Variants in EIF3M observed in about 807,000 individuals in gnomAD.
EIF3M encodes the protein B5 receptor.
EIF3M carries 25 observed loss-of-function variants against 49.7 expected under a neutral mutation model. That is an observed-to-expected ratio of 0.50 (90% CI 0.37 to 0.70). EIF3M has a LOEUF of 0.70. EIF3M is among the 30% of genes least tolerant of loss of function. The pLI, the probability that EIF3M is intolerant of heterozygous loss-of-function variation, is 0.00. For missense variants in EIF3M, 350 were observed against 440.0 expected (o/e 0.80, Z 1.83); for synonymous variants, 156 against 149.8 (o/e 1.04, Z -0.30).
At chr11:32,585,510 T>C (rs1854981564) in intron 1 of EIF3M, among the ~76,000 whole-genome samples, 1 of 152,174 alleles carries the variant, frequency 6.6e-6, no homozygotes, top group Non-Finnish European at 1.5e-5. Context: ...TCTTTTTTTG[T>C]TTTCCTTTGC....
At position 32,601,805 on chromosome 11, in the gene EIF3M, G is replaced by C; in HGVS notation, c.987G>C (p.Gln329His). The change falls in exon 10 of 11, where the codon CAG becomes CAC. Residue 329 changes from glutamine to histidine, a missense_variant. Transcript: ENST00000531120. ...TCTACTGCAAAATTGATCAGACCCA[G>C]AGAAAAGTAGTTGTCAGGTAAGATA... ...KMVYCKIDQT[Q>H]RKVVVSHSTH... The C allele has an allele frequency of 1.2e-6, 2 of 1,612,724 alleles. No individual in the cohort carries two copies. Among genetic ancestry groups the C allele is most frequent in the Non-Finnish European group, 1.7e-6 (2 of 1,179,080 alleles).
intron 8 of EIF3M, among the ~76,000 whole-genome samples, chr11:32,596,779 C>G (rs1855187063): frequency 6.6e-6 from 1 of 151,920 alleles, no homozygotes; most frequent in African/African-American, 2.4e-5. Context: ...GTGGCACATA[C>G]CTGTAGTGCC....
rs1365194729 is a variant in EIF3M at position 32,604,800 on chromosome 11, G to A, written c.*2401G>A. 6.6e-6 allele frequency: 1 copy of A among 152,194 alleles called. No individual in the cohort carries two copies. The highest frequency in any genetic ancestry group is 2.4e-5 in the African/African-American group (1 of 41,462). The allele number at this position is 152,194 out of a possible 1,614,324, so 9.4% of individuals were successfully genotyped here. A position where few individuals can be genotyped will look rare whatever the true frequency, so the allele number is the denominator to read the frequency against. ...ATCTTTTTCAATTTGACCAGTAAAA[G>A]TGGCATGTTAGTAACATTGTCATTT... On this transcript the variant is annotated 3_prime_UTR_variant, in exon 11 of 11. Transcript: ENST00000531120.
chr11:32,589,665 A>G (rs781626417), intron 5 of EIF3M, 24 bp downstream of exon 5: 45 of 1,597,110 alleles, frequency 2.8e-5, no homozygotes, highest in East Asian at 6.7e-5. Context: ...ATGAACTAAC[A>G]TATCACTTAA....
intron 5 of EIF3M, among the ~76,000 whole-genome samples, chr11:32,593,054 A>G (rs2133198534): frequency 6.6e-6 from 1 of 152,378 alleles, no homozygotes; most frequent in East Asian, 1.9e-4. Context: ...AAGAAGTTTT[A>G]GATAGCATTT....
chr11:32,601,698 A>G (rs1212979559), intron 9 of EIF3M, 64 bp from the exon 10 acceptor site: 10 of 1,477,352 alleles, frequency 6.8e-6, no homozygotes, highest in Non-Finnish European at 8.4e-6. Flanking sequence ...CACAGTTTTC[A>G]TACCTTAGCT....
Position 32,603,181 on chromosome 11 carries a change from T to G in EIF3M, c.*782T>G, listed in dbSNP as rs913985653. 3.3e-5 allele frequency: 19 copies of G among 577,304 alleles called. No individual in the cohort carries two copies. Among genetic ancestry groups the G allele is most frequent in the Non-Finnish European group, 5.1e-5 (17 of 333,422 alleles). The allele number at this position is 577,304 out of a possible 1,614,324, so 35.8% of individuals were successfully genotyped here. ...GCACCAGAAAAGTATACAATGTGAA[T>G]GTGTAGGCTTATGTAGTAGATCTTC... On this transcript the variant is annotated 3_prime_UTR_variant, in exon 11 of 11. Coordinates refer to ENST00000531120, the MANE Select transcript of EIF3M (RefSeq NM_006360.6).
At chr11:32,584,639 C>T (rs1854966531) in intron 1 of EIF3M, among the ~76,000 whole-genome samples, 1 of 122,416 alleles carries the variant, frequency 8.2e-6, no homozygotes, top group Non-Finnish European at 1.8e-5. Flanking sequence ...GATCAAAACG[C>T]CCGTATTACT....
At chr11:32,599,700 T>C (rs956064626) in intron 8 of EIF3M, among the ~76,000 whole-genome samples, 1 of 151,980 alleles carries the variant, frequency 6.6e-6, no homozygotes, top group Non-Finnish European at 1.5e-5. Context: ...TCAAAACAAG[T>C]ATATATGATA....
intron 8 of EIF3M, among the ~76,000 whole-genome samples, chr11:32,597,687 A>G (rs1246171130): frequency 6.6e-6 from 1 of 152,200 alleles, no homozygotes; most frequent in African/African-American, 2.4e-5. Context: ...TCTGCAGTTG[A>G]ACAGGTTTTA....
chr11:32,600,945 G>C, intron 9 of EIF3M, 113 bp downstream of exon 9: 1 of 1,368,144 alleles, frequency 7.3e-7, no homozygotes, highest in Admixed American at 2.4e-5. Flanking sequence ...TTTGTTTATA[G>C]CAGATGTGTA....
chr11:32,589,179 AC>A (rs1293175593), intron 4 of EIF3M, 44 bp downstream of exon 4: 2 of 1,557,166 alleles, frequency 1.3e-6, no homozygotes, highest in African/African-American at 1.4e-5. Context: ...TAAGAAATGT[AC>A]TTTTTTTTTT....
chr11:32,592,200 A>G (rs1590519431), intron 5 of EIF3M: 2 of 370,162 alleles, frequency 5.4e-6, no homozygotes, highest in East Asian at 6.8e-5. Context: ...TCCACAACCC[A>G]TAAAGTTGCT....
chr11:32,599,413 C>T (rs1855228042), intron 8 of EIF3M, among the ~76,000 whole-genome samples: 1 of 151,948 alleles, frequency 6.6e-6, no homozygotes, highest in Admixed American at 6.6e-5. Flanking sequence ...AATAGGAAGC[C>T]TGTATCATAA....
At chr11:32,588,370 G>A (rs1226873529) in intron 2 of EIF3M, among the ~76,000 whole-genome samples, 2 of 125,362 alleles carry the variant, frequency 1.6e-5, no homozygotes, top group Non-Finnish European at 1.6e-5. Context: ...GCCTGGGCAA[G>A]AGAGCAAGAC....
At chr11:32,594,497 C>G (rs115972368) in intron 6 of EIF3M, 3,784 of 156,066 alleles carry the variant, frequency 0.024, 143 homozygotes, top group African/African-American at 0.086. Context: ...TGCCTCCATT[C>G]ACATTCTTAC....
chr11:32,598,048 T>G (rs1398734215), intron 8 of EIF3M, among the ~76,000 whole-genome samples: 1 of 152,188 alleles, frequency 6.6e-6, no homozygotes, highest in Non-Finnish European at 1.5e-5. Context: ...CTTTGCCAGG[T>G]GCACTAGACC....
chr11:32,594,627 A>G (rs761523531), intron 6 of EIF3M: 79 of 258,634 alleles, frequency 3.1e-4, no homozygotes, highest in Non-Finnish European at 7.4e-5. Context: ...TGAAGCACTT[A>G]GTGTCTTGGC....
chr11:32,584,531 C>T (rs1565044905), intron 1 of EIF3M, among the ~76,000 whole-genome samples: 1 of 136,334 alleles, frequency 7.3e-6, no homozygotes, highest in Admixed American at 8.4e-5. Flanking sequence ...TCGCTTGAAC[C>T]CGCGAGGCGG....
Sources: allele counts gnomAD v4.1 joint callset (sites outside exome capture counted in the v4.1 genomes callset), GRCh38; gene constraint gnomAD v4.1.1; transcripts MANE v1.5; gene names NCBI Gene and HGNC (gene_info 2026-07-23, HGNC 2026-07-21).